CREB5: variants seen among roughly 807,000 people sequenced by gnomAD.
The protein encoded by CREB5 is cAMP responsive element binding protein 5.
CREB5 carries 19 observed loss-of-function variants against 57.1 expected under a neutral mutation model. The ratio of observed to expected loss-of-function variants is 0.33; its 90% CI spans 0.23 to 0.49. The LOEUF (loss-of-function observed/expected upper bound fraction) is 0.49, where lower values mean the gene tolerates loss of function less well. Ranked by LOEUF, CREB5 falls within the 20% of genes least tolerant of loss-of-function variation. CREB5 has a pLI of 0.99. For synonymous variants in CREB5, 238 were observed against 238.3 expected, an observed-to-expected ratio of 1.00 and a Z score of 0.01; for missense variants, 579 against 671.6, an observed-to-expected ratio of 0.86 and a Z score of 1.52.
intron 5 of CREB5, among the ~76,000 whole-genome samples, chr7:28,639,680 A>T (rs573395290): frequency 6.6e-6 from 1 of 152,234 alleles, no homozygotes; most frequent in East Asian, 1.9e-4. Context: ...TCAAGAACAG[A>T]CCTCAAGGAG....
chr7:28,728,616 T>G (rs545848159), intron 7 of CREB5, among the ~76,000 whole-genome samples: 14 of 152,344 alleles, frequency 9.2e-5, no homozygotes, highest in African/African-American at 3.4e-4. Flanking sequence ...CACATTCTTG[T>G]CTTGACTTTT....
chr7:28,644,134 AAAAAG>A (rs1372558692), intron 5 of CREB5, among the ~76,000 whole-genome samples: 11 of 151,904 alleles, frequency 7.2e-5, no homozygotes, highest in South Asian at 6.2e-4. Context: ...GGAGAGAAAG[AAAAAG>A]AAAAGAAAAG....
chr7:28,438,574 T>A (rs1181097147), intron 1 of CREB5, among the ~76,000 whole-genome samples: 1 of 152,214 alleles, frequency 6.6e-6, no homozygotes, highest in Non-Finnish European at 1.5e-5. Flanking sequence ...GATGTTACCA[T>A]ACTGAATCAA....
chr7:28,488,184 G>T lies in CREB5; in HGVS notation c.13G>T (p.Glu5Ter). MIYE[E>*]SKMNLEQERP... ...CCCTCTGATCCTTCAGATTTATGAG[G>T]AATCCAAGATGAATTTGGAGCAGGA... The change falls in exon 2 of 11, where the codon GAA becomes TAA. Residue 5 changes from glutamate to a stop codon, truncating the protein, a stop_gained. Coordinates refer to ENST00000357727, the MANE Select transcript of CREB5 (RefSeq NM_182898.4). LOFTEE classifies it high-confidence loss of function. 2 of 1,613,672 alleles carry T rather than the reference G, an allele frequency of 1.2e-6. No individual in the cohort carries two copies. The highest frequency in any genetic ancestry group is 2.2e-5 in the South Asian group (2 of 91,014).
intron 4 of CREB5, among the ~76,000 whole-genome samples, chr7:28,561,238 G>A (rs1000924928): frequency 2.0e-5 from 3 of 152,118 alleles, no homozygotes; most frequent in African/African-American, 4.8e-5. Flanking sequence ...AGGCCCTGAG[G>A]ACAATGGTAG....
chr7:28,764,196 T>C (rs1489974263), intron 7 of CREB5, among the ~76,000 whole-genome samples: 4 of 152,154 alleles, frequency 2.6e-5, no homozygotes, highest in Non-Finnish European at 4.4e-5. Context: ...ACAAAAATTA[T>C]TTTTTACTGA....
intron 1 of CREB5, among the ~76,000 whole-genome samples, chr7:28,401,362 C>A (rs996068294): frequency 1.3e-5 from 2 of 151,904 alleles, no homozygotes; most frequent in Admixed American, 1.3e-4. Context: ...AAGCTTAAAC[C>A]AGGTGATCTA....
At chr7:28,740,592 T>G (rs1804275258) in intron 7 of CREB5, among the ~76,000 whole-genome samples, 4 of 152,210 alleles carry the variant, frequency 2.6e-5, no homozygotes, top group Non-Finnish European at 5.9e-5. Context: ...TAGCCTGTGC[T>G]GAGAGGAAAG....
At chr7:28,818,318 C>T (rs1583817212) in intron 10 of CREB5, 139 bp downstream of exon 10, 1 of 629,794 alleles carries the variant, frequency 1.6e-6, no homozygotes, top group Non-Finnish European at 2.8e-6. Flanking sequence ...TGAGTGGCTT[C>T]CAGACTATTC....
At chr7:28,374,669 G>A (rs780455450) in intron 1 of CREB5, among the ~76,000 whole-genome samples, 10 of 152,164 alleles carry the variant, frequency 6.6e-5, no homozygotes, top group South Asian at 2.1e-4. Context: ...TAAGGACAGC[G>A]TTTGGTTGCC....
At chr7:28,630,481 T>C (rs1290650079) in intron 5 of CREB5, among the ~76,000 whole-genome samples, 1 of 152,156 alleles carries the variant, frequency 6.6e-6, no homozygotes, top group Admixed American at 6.5e-5. Flanking sequence ...CATGAATACT[T>C]GAGACCGAGT....
intron 1 of CREB5, among the ~76,000 whole-genome samples, chr7:28,339,135 T>A (rs995767770): frequency 6.6e-6 from 1 of 152,160 alleles, no homozygotes; most frequent in African/African-American, 2.4e-5. Flanking sequence ...CCTTATTAAG[T>A]TCATTTGGTG....
At chr7:28,316,868 C>T (rs1333099638) in intron 1 of CREB5, among the ~76,000 whole-genome samples, 1 of 151,854 alleles carries the variant, frequency 6.6e-6, no homozygotes, top group Non-Finnish European at 1.5e-5. Context: ...TTCTCCAAGC[C>T]TCCATATCCT....
intron 7 of CREB5, among the ~76,000 whole-genome samples, chr7:28,777,488 C>T (rs984784541): frequency 1.3e-5 from 2 of 152,124 alleles, no homozygotes; most frequent in Admixed American, 1.3e-4. Flanking sequence ...AAAATACCAC[C>T]TGGTCTAAAA....
intron 5 of CREB5, among the ~76,000 whole-genome samples, chr7:28,663,145 A>G (rs1185629572): frequency 9.6e-3 from 77 of 7,998 alleles, no homozygotes; most frequent in African/African-American, 0.051. Context: ...ATTCCATCTC[A>G]AAAAAAAAAA....
intron 1 of CREB5, among the ~76,000 whole-genome samples, chr7:28,429,322 G>C (rs991388203): frequency 6.6e-6 from 1 of 152,118 alleles, no homozygotes; most frequent in Non-Finnish European, 1.5e-5. Context: ...CACTGTGCCC[G>C]TCCTAAAATA....
chr7:28,357,948 A>G (rs1786380290), intron 1 of CREB5, among the ~76,000 whole-genome samples: 1 of 152,132 alleles, frequency 6.6e-6, no homozygotes, highest in Non-Finnish European at 1.5e-5. Flanking sequence ...TTAAACTCAT[A>G]TCATTGGATT....
rs377186880 is a variant in CREB5, at chr7:28,611,375, G to A, written c.464+40838G>A. ...AGATACATATGCCAGGTAGAGGCCG[G>A]GCACAGTGGCTCACACCTGTAATCC... On this transcript the variant is annotated intron_variant, in intron 5 of 10. Coordinates refer to ENST00000357727, the MANE Select transcript of CREB5 (RefSeq NM_182898.4). 9.3e-5 allele frequency among the ~76,000 whole-genome samples: 14 copies of A among 151,208 alleles called. 1 individual carries two copies. The South Asian group carries it at 2.1e-3, about 23-fold the overall frequency.
chr7:28,594,166 C>T (rs1035536704), intron 5 of CREB5, among the ~76,000 whole-genome samples: 1 of 152,198 alleles, frequency 6.6e-6, no homozygotes, highest in Non-Finnish European at 1.5e-5. Flanking sequence ...GTTGATGCTA[C>T]CCGCTAGACT....
Sources: allele counts gnomAD v4.1 joint callset (sites outside exome capture counted in the v4.1 genomes callset), GRCh38; gene constraint gnomAD v4.1.1; transcripts MANE v1.5; gene names NCBI Gene and HGNC (gene_info 2026-07-23, HGNC 2026-07-21).